The following CEP85L variants were observed in gnomAD, a reference collection of about 807,000 sequenced individuals.
CEP85L encodes centrosomal protein 85L, also known as centrosomal protein of 85 kDa-like.
CEP85L carries 60 observed loss-of-function variants against 100.3 expected under a neutral mutation model. The observed-to-expected ratio is 0.60, with a 90% CI of 0.49 to 0.74. The LOEUF (loss-of-function observed/expected upper bound fraction) is 0.74, where lower values mean the gene tolerates loss of function less well. Ranked by LOEUF, CEP85L falls within the 30% of genes least tolerant of loss-of-function variation. CEP85L has a pLI of 0.00. For missense variants in CEP85L, 973 were observed against 936.2 expected (o/e 1.04, Z -0.51); for synonymous variants, 319 against 322.7 (o/e 0.99, Z 0.12).
At chr6:118,509,937 T>A (rs2114710319) in intron 5 of CEP85L, among the ~76,000 whole-genome samples, 1 of 152,224 alleles carries the variant, frequency 6.6e-6, no homozygotes, top group East Asian at 1.9e-4. Context: ...AGACTCTATA[T>A]CTGTGTTCCA....
At chr6:118,520,286 C>T (rs1453026481) in intron 4 of CEP85L, among the ~76,000 whole-genome samples, 3 of 152,106 alleles carry the variant, frequency 2.0e-5, no homozygotes, top group African/African-American at 4.8e-5. Flanking sequence ...ACAACATGAT[C>T]GTTTATGTAA....
At chr6:118,624,824 G>C (rs9481839) in intron 2 of CEP85L, among the ~76,000 whole-genome samples, 4,414 of 152,286 alleles carry the variant, frequency 0.029, 107 homozygotes, top group African/African-American at 0.056. Flanking sequence ...TGTCCAACAA[G>C]TAATTAAAAA....
chr6:118,591,035 G>A (rs577488410), intron 2 of CEP85L, among the ~76,000 whole-genome samples: 169 of 152,248 alleles, frequency 1.1e-3, no homozygotes, highest in African/African-American at 3.9e-3. Flanking sequence ...CAGTTCAGCT[G>A]GGTAAGGGTC....
At chr6:118,580,635 G>T (rs867179364) in intron 2 of CEP85L, among the ~76,000 whole-genome samples, 1 of 152,138 alleles carries the variant, frequency 6.6e-6, no homozygotes, top group Non-Finnish European at 1.5e-5. Context: ...TCGCCGTTGC[G>T]CAAGGCTGGG....
At chr6:118,573,225 A>G (rs1296532121) in intron 2 of CEP85L, among the ~76,000 whole-genome samples, 3 of 152,232 alleles carry the variant, frequency 2.0e-5, no homozygotes, top group African/African-American at 4.8e-5. Flanking sequence ...ACAACTATCA[A>G]TGATAGCCAA....
At chr6:118,499,790 T>C (rs977966096) in intron 5 of CEP85L, among the ~76,000 whole-genome samples, 1 of 151,630 alleles carries the variant, frequency 6.6e-6, no homozygotes, top group African/African-American at 2.4e-5. Flanking sequence ...TTTATAGTGG[T>C]GAGAAACTTG....
chr6:118,648,720 C>T (rs962708998), intron 1 of CEP85L, among the ~76,000 whole-genome samples: 1 of 135,606 alleles, frequency 7.4e-6, no homozygotes, highest in Non-Finnish European at 1.5e-5. Context: ...CCAGCCTGGG[C>T]GACAGAGAAA....
chr6:118,667,544 G>A (rs1776169886), intron 1 of CEP85L, among the ~76,000 whole-genome samples: 1 of 152,158 alleles, frequency 6.6e-6, no homozygotes, highest in Non-Finnish European at 1.5e-5. Flanking sequence ...TAAACTGCAT[G>A]TGAAAACTGC....
At chr6:118,638,767 G>A (rs1000335194) in intron 1 of CEP85L, among the ~76,000 whole-genome samples, 1 of 151,638 alleles carries the variant, frequency 6.6e-6, no homozygotes, top group Non-Finnish European at 1.5e-5. Flanking sequence ...ATAGAATACT[G>A]AGTGCCTGCG....
At chr6:118,674,432 GAGA>G (rs1776415339) in intron 1 of CEP85L, among the ~76,000 whole-genome samples, 1 of 151,924 alleles carries the variant, frequency 6.6e-6, no homozygotes, top group South Asian at 2.1e-4. Context: ...GCTGAAGCAG[GAGA>G]ATTGCTTGAA....
rs540248668 is a variant in CEP85L at position 118,569,876 on chromosome 6, T to A, written c.233-3560A>T. On this transcript the variant is annotated intron_variant, in intron 2 of 12. Transcript: ENST00000368491. ...ACACAACTAGAGAATATATATTTTT[T>A]AAAAATCCTCAAACGCACTAATAGT... is the stretch of plus-strand genomic sequence containing the variant. Among the ~76,000 whole-genome samples, 17 of 152,236 alleles carry A rather than the reference T, an allele frequency of 1.1e-4. No individual in the cohort carries two copies. In the South Asian group the frequency reaches 1.7e-3, roughly 15 times the overall value.
intron 5 of CEP85L, among the ~76,000 whole-genome samples, chr6:118,495,906 C>T (rs961943812): frequency 3.3e-5 from 5 of 152,156 alleles, no homozygotes; most frequent in African/African-American, 9.7e-5. Flanking sequence ...GGCAACAAGG[C>T]TTGCTTTTGT....
intron 4 of CEP85L, among the ~76,000 whole-genome samples, chr6:118,512,192 C>T (rs976756456): frequency 7.9e-5 from 12 of 151,244 alleles, no homozygotes; most frequent in Non-Finnish European, 1.6e-4. Context: ...GTTTTCAAGC[C>T]CCAGCACAGG....
chr6:118,558,732 C>T (rs1771807146), intron 3 of CEP85L: 2 of 615,710 alleles, frequency 3.2e-6, no homozygotes, highest in Non-Finnish European at 5.8e-6. Flanking sequence ...AACAATAGTG[C>T]TGAGGAAGAT....
intron 3 of CEP85L, among the ~76,000 whole-genome samples, chr6:118,545,674 C>A (rs1053630283): frequency 1.3e-5 from 2 of 152,142 alleles, no homozygotes; most frequent in African/African-American, 2.4e-5. Context: ...GACATGAACT[C>A]ATGATTCAGT....
intron 6 of CEP85L, among the ~76,000 whole-genome samples, chr6:118,487,414 T>A (rs2496351): frequency 0.02 from 2,999 of 152,202 alleles, 92 homozygotes; most frequent in African/African-American, 0.068. Flanking sequence ...AGTCTTGAAC[T>A]CTCCTTCCCC....
intron 6 of CEP85L, among the ~76,000 whole-genome samples, chr6:118,488,623 G>A (rs778829411): frequency 1.3e-5 from 2 of 152,168 alleles, no homozygotes; most frequent in Non-Finnish European, 2.9e-5. Flanking sequence ...CTTATTCAAA[G>A]AAATAATGAC....
intron 4 of CEP85L, among the ~76,000 whole-genome samples, chr6:118,521,671 T>G (rs890480667): frequency 1.3e-5 from 2 of 152,086 alleles, no homozygotes. Context: ...TATGCTTCAT[T>G]CTTTCTTAGA....
intron 2 of CEP85L, among the ~76,000 whole-genome samples, chr6:118,602,464 A>G (rs751541115): frequency 2.6e-5 from 4 of 152,230 alleles, no homozygotes; most frequent in African/African-American, 9.6e-5. Context: ...GCCCAGAATT[A>G]GAATACTGAT....
Sources: allele counts gnomAD v4.1 joint callset (sites outside exome capture counted in the v4.1 genomes callset), GRCh38; gene constraint gnomAD v4.1.1; transcripts MANE v1.5; gene names NCBI Gene and HGNC (gene_info 2026-07-23, HGNC 2026-07-21).